Variants in FGF13 observed in about 807,000 individuals in gnomAD.
FGF13 encodes fibroblast growth factor homologous factor 2.
Under a neutral mutation model 19.5 loss-of-function variants are expected in FGF13, and 2 were observed. That is an observed-to-expected ratio of 0.10 (90% CI 0.04 to 0.32). The LOEUF (loss-of-function observed/expected upper bound fraction) is 0.32. Among genes scored for constraint, FGF13 ranks in the 10% least tolerant of loss-of-function variants. FGF13 has a pLI of 1.00. For synonymous variants in FGF13, 72 were observed against 76.9 expected, an observed-to-expected ratio of 0.94 and a Z score of 0.33; for missense variants, 113 against 192.7, an observed-to-expected ratio of 0.59 and a Z score of 2.45.
intron 1 of FGF13, among the ~76,000 whole-genome samples, chrX:139,008,675 C>G (rs72616258): frequency 0.014 from 1,581 of 111,974 alleles, 15 homozygotes; most frequent in East Asian, 0.066. Context: ...AAGGGACCAC[C>G]CCATGGGACA....
intron 1 of FGF13, among the ~76,000 whole-genome samples, chrX:139,042,217 T>A (rs180918169): frequency 8.9e-6 from 1 of 112,400 alleles, no homozygotes; most frequent in Non-Finnish European, 1.9e-5. Context: ...AGAATAGTGC[T>A]GTTGTTCTTA....
chrX:138,678,209 G>T (rs1211159282), intron 3 of FGF13, among the ~76,000 whole-genome samples: 1 of 110,261 alleles, frequency 9.1e-6, no homozygotes, highest in South Asian at 4.0e-4. Context: ...ACACTCTGGG[G>T]ACTGTTGTGG....
intron 1 of FGF13, among the ~76,000 whole-genome samples, chrX:139,185,220 T>C (rs2084273444): frequency 8.9e-6 from 1 of 112,275 alleles, no homozygotes; most frequent in East Asian, 2.8e-4. Context: ...TTCTTCATTA[T>C]GGCAAATCAT....
chrX:139,036,183 C>T (rs2092249965), intron 1 of FGF13, among the ~76,000 whole-genome samples: 1 of 111,415 alleles, frequency 9.0e-6, no homozygotes, highest in Non-Finnish European at 1.9e-5. Context: ...GTGTTTAAGC[C>T]TCATAGGATA....
intron 1 of FGF13, among the ~76,000 whole-genome samples, chrX:139,070,683 G>A (rs1454588876): frequency 8.9e-6 from 1 of 112,269 alleles, no homozygotes; most frequent in Non-Finnish European, 1.9e-5. Flanking sequence ...GCACACATAT[G>A]TTTACTGTGG....
At chrX:138,863,900 G>T (rs138033858) in intron 2 of FGF13, among the ~76,000 whole-genome samples, 1 of 111,769 alleles carries the variant, frequency 8.9e-6, no homozygotes, top group East Asian at 2.8e-4. Flanking sequence ...CAAAAATAAG[G>T]GGTTTAGACT....
chrX:139,117,803 C>T (rs1417407526), intron 1 of FGF13, among the ~76,000 whole-genome samples: 1 of 111,945 alleles, frequency 8.9e-6, no homozygotes, highest in African/African-American at 3.3e-5. Context: ...AGGACTCATA[C>T]AGTGAGTCCC....
intron 1 of FGF13, among the ~76,000 whole-genome samples, chrX:138,726,512 AGACT>A (rs1480693348): frequency 6.2e-5 from 7 of 112,538 alleles, no homozygotes; most frequent in African/African-American, 2.3e-4. Flanking sequence ...CATGTAGTAC[AGACT>A]CAATAAATTG....
chrX:138,959,463 A>T (rs772480214), intron 1 of FGF13, among the ~76,000 whole-genome samples: 24 of 111,803 alleles, frequency 2.1e-4, no homozygotes, highest in African/African-American at 7.8e-4. Context: ...TTTTGGAATA[A>T]ATGTGATGTG....
chrX:138,976,046 T>A (rs1375336543), intron 1 of FGF13, among the ~76,000 whole-genome samples: 1 of 111,691 alleles, frequency 9.0e-6, no homozygotes, highest in Non-Finnish European at 1.9e-5. Context: ...ATTGCATTAG[T>A]GTCCATTCAT....
At chrX:138,726,957 C>A (rs188775609) in intron 1 of FGF13, among the ~76,000 whole-genome samples, 29 of 110,922 alleles carry the variant, frequency 2.6e-4, no homozygotes, top group Non-Finnish European at 4.9e-4. Flanking sequence ...ACTTTTAACA[C>A]TTCGCTCTGC....
chrX:138,670,574 G>A (rs186596757), intron 3 of FGF13, among the ~76,000 whole-genome samples: 44 of 111,790 alleles, frequency 3.9e-4, no homozygotes, highest in Middle Eastern at 9.3e-3. Flanking sequence ...GCAAGTTACA[G>A]AACAGGTCAT....
intron 1 of FGF13, among the ~76,000 whole-genome samples, chrX:139,088,101 T>C (rs764241474): frequency 1.3e-4 from 15 of 111,986 alleles, no homozygotes; most frequent in Middle Eastern, 4.6e-3. Flanking sequence ...ACGTGAAGTA[T>C]GTTATTCCTG....
upstream of FGF13, chrX:138,739,424 TCATTAATGGGCATTAGTGACAGAC>T: frequency 4.6e-6 from 2 of 434,334 alleles, no homozygotes; most frequent in Non-Finnish European, 3.8e-6. Context: ...TATAGAGAGA[TCATTAATGGGCATTAGTGACAGAC>T]CATTATGGCT....
At chrX:138,653,299 G>T in intron 3 of FGF13, among the ~76,000 whole-genome samples, 1 of 111,106 alleles carries the variant, frequency 9.0e-6, no homozygotes, top group African/African-American at 3.3e-5. Flanking sequence ...TGCTAATTAA[G>T]TACAATGGGA....
At chrX:138,788,975 A>C (rs1012781042) in intron 3 of FGF13, among the ~76,000 whole-genome samples, 1 of 111,513 alleles carries the variant, frequency 9.0e-6, no homozygotes, top group African/African-American at 3.3e-5. Context: ...ATCCAATTTC[A>C]TCACAAGTTC....
At chrX:138,908,266 A>G (rs1174886917) in intron 1 of FGF13, among the ~76,000 whole-genome samples, 32 of 107,919 alleles carry the variant, frequency 3.0e-4, no homozygotes, top group Middle Eastern at 4.7e-3. Flanking sequence ...TTTTAGTAGA[A>G]ACGGGGTTTC....
At chrX:139,135,110 C>T (rs1458302587) in intron 1 of FGF13, among the ~76,000 whole-genome samples, 1 of 112,229 alleles carries the variant, frequency 8.9e-6, no homozygotes, top group Non-Finnish European at 1.9e-5. Flanking sequence ...CTTTAATTCA[C>T]TAAAATCATT....
At chrX:139,204,228 G>C (rs1167655649), upstream of FGF13, 1 of 667,307 alleles carries the variant, frequency 1.5e-6, no homozygotes, top group African/African-American at 2.1e-5. Flanking sequence ...GTGTGGTTCG[G>C]GGCGGAATCC....
Sources: gnomAD v4.1 joint callset for allele counts (sites outside exome capture counted in the v4.1 genomes callset) on GRCh38, gnomAD v4.1.1 for gene constraint, MANE v1.5 for transcripts, NCBI Gene and HGNC (gene_info 2026-07-23, HGNC 2026-07-21) for gene names.